Variants in NUDCD3 observed in about 807,000 individuals in gnomAD.
NUDCD3 encodes the protein NudC domain containing 3.
Under a neutral mutation model 39.7 loss-of-function variants are expected in NUDCD3, and 13 were observed. The observed-to-expected ratio is 0.33, with a 90% CI of 0.21 to 0.52. The LOEUF is 0.52. Ranked by LOEUF, NUDCD3 falls within the 20% of genes least tolerant of loss-of-function variation. NUDCD3 has a pLI of 0.96. For missense variants in NUDCD3, 453 were observed against 458.1 expected (o/e 0.99, Z 0.10); for synonymous variants, 175 against 172.4 (o/e 1.02, Z -0.12).
chr7:44,441,713 C>G (rs908048936), intron 2 of NUDCD3, among the ~76,000 whole-genome samples: 14 of 152,158 alleles, frequency 9.2e-5, no homozygotes, highest in African/African-American at 3.4e-4. Flanking sequence ...CCCAGGTAAC[C>G]TTACTGTTGT....
intron 2 of NUDCD3, among the ~76,000 whole-genome samples, chr7:44,469,115 CAAAAAAAAAAA>C (rs756247647): frequency 8.8e-4 from 29 of 32,842 alleles, no homozygotes; most frequent in African/African-American, 2.4e-3. Context: ...ACAAACAAAC[CAAAAAAAAAAA>C]AAAAAAAAAA....
intron 2 of NUDCD3, among the ~76,000 whole-genome samples, chr7:44,428,196 A>T (rs993747423): frequency 6.0e-5 from 9 of 149,176 alleles, no homozygotes; most frequent in African/African-American, 2.2e-4. Flanking sequence ...GCACTTTGGG[A>T]GGCCAAGGGC....
chr7:44,482,849 T>A (rs573971405), intron 2 of NUDCD3, among the ~76,000 whole-genome samples: 12 of 152,110 alleles, frequency 7.9e-5, no homozygotes, highest in African/African-American at 2.7e-4. Context: ...CTATTGTAAG[T>A]ATATTGAAGG....
chr7:44,455,765 AAAC>A (rs1365475380), intron 2 of NUDCD3, among the ~76,000 whole-genome samples: 3 of 152,182 alleles, frequency 2.0e-5, no homozygotes, highest in Admixed American at 1.3e-4. Flanking sequence ...ATTGCTTAAA[AAAC>A]AACAATACAG....
At chr7:44,467,755 CT>C in intron 2 of NUDCD3, 1 of 639,348 alleles carries the variant, frequency 1.6e-6, no homozygotes, top group Non-Finnish European at 2.7e-6. Context: ...TCATTTAATC[CT>C]TACAACAGCC....
chr7:44,418,716 C>A (rs1799076466), intron 3 of NUDCD3, among the ~76,000 whole-genome samples: 1 of 152,220 alleles, frequency 6.6e-6, no homozygotes, highest in African/African-American at 2.4e-5. Flanking sequence ...GCATTTCCAA[C>A]TGAGGTACCC....
chr7:44,452,767 C>A (rs1799818593), intron 2 of NUDCD3, among the ~76,000 whole-genome samples: 1 of 152,220 alleles, frequency 6.6e-6, no homozygotes, highest in Admixed American at 6.5e-5. Context: ...CAAGAACCAG[C>A]CATGTGGCTG....
At chr7:44,425,330 T>G (rs776196316) in intron 3 of NUDCD3, among the ~76,000 whole-genome samples, 4 of 151,924 alleles carry the variant, frequency 2.6e-5, no homozygotes, top group Non-Finnish European at 5.9e-5. Flanking sequence ...AAAAAGAAAT[T>G]TACAACAAAA....
rs1260389635 is a variant in NUDCD3 at position 44,385,771 on chromosome 7, T to C, written c.*240A>G. On this transcript the variant is annotated 3_prime_UTR_variant, in exon 6 of 6. Coordinates refer to ENST00000355451, the MANE Select transcript of NUDCD3 (RefSeq NM_015332.4). ...ATTTGCTGGGATATCCTCTCCTGCA[T>C]TTCAAACACCTTCACTCAGTGTCAG... The C allele has an allele frequency of 4.0e-6, 2 of 504,792 alleles. No individual in the cohort carries two copies. The highest frequency in any genetic ancestry group is 1.9e-5 in the African/African-American group (1 of 51,562). The allele number at this position is 504,792 out of a possible 1,614,324, so 31.3% of individuals were successfully genotyped here.
At position 44,466,705 on chromosome 7, in the gene NUDCD3, T is replaced by A. The variant is rs1480668860; in HGVS notation, c.509+18263A>T. Among the ~76,000 whole-genome samples, 4 of 152,262 alleles carry A rather than the reference T, an allele frequency of 2.6e-5. No homozygotes were observed. In the East Asian group the frequency reaches 7.7e-4, roughly 29 times the overall value. Reference sequence around the variant, plus strand: ...TTCACTAGGGACACTTGGATAATGCTAAGTGTTTTCTAGGTCACAGCTAGT... The same window carrying A: ...TTCACTAGGGACACTTGGATAATGCAAAGTGTTTTCTAGGTCACAGCTAGT... On this transcript the variant is annotated intron_variant, in intron 2 of 5. Transcript: ENST00000355451.
chr7:44,481,262 T>G (rs1800485377), intron 2 of NUDCD3: 1 of 152,194 alleles, frequency 6.6e-6, no homozygotes, highest in Admixed American at 6.5e-5. Flanking sequence ...GTGTATTTAT[T>G]AAGAGAGTTA....
intron 2 of NUDCD3, among the ~76,000 whole-genome samples, chr7:44,462,945 C>CTG (rs3138779): frequency 0.019 from 2,860 of 146,740 alleles, 40 homozygotes; most frequent in Middle Eastern, 0.066. Flanking sequence ...CACAACCAGG[C>CTG]TGTGTGTGTG....
chr7:44,424,348 G>T (rs996889316), intron 3 of NUDCD3, among the ~76,000 whole-genome samples: 1 of 152,088 alleles, frequency 6.6e-6, no homozygotes, highest in Admixed American at 6.5e-5. Context: ...TCGTCAGAGT[G>T]AACAGGCAAC....
intron 2 of NUDCD3, among the ~76,000 whole-genome samples, chr7:44,440,893 G>A (rs1397559683): frequency 6.6e-6 from 1 of 152,252 alleles, no homozygotes; most frequent in East Asian, 1.9e-4. Flanking sequence ...AGTAATACCT[G>A]AGTTAACAGT....
chr7:44,458,531 G>A lies in NUDCD3; in HGVS notation c.509+26437C>T, dbSNP rs188985000. ...AAAATTAGCCAGGCATGGTGAGCAT[G>A]CCTGTAATTCCAGCTACTTGGGAGG... On this transcript the variant is annotated intron_variant, in intron 2 of 5. Transcript: ENST00000355451. 4.6e-5 allele frequency among the ~76,000 whole-genome samples: 7 copies of A among 152,068 alleles called. 1 individual carries two copies. The highest frequency in any genetic ancestry group is 3.9e-4 in the Admixed American group (6 of 15,270).
chr7:44,454,207 C>T, intron 2 of NUDCD3, among the ~76,000 whole-genome samples: 1 of 152,078 alleles, frequency 6.6e-6, no homozygotes, highest in East Asian at 1.9e-4. Context: ...GGCATGGTGG[C>T]GGGCACCTGT....
At chr7:44,408,271 G>A (rs1798864880) in intron 3 of NUDCD3, among the ~76,000 whole-genome samples, 1 of 152,108 alleles carries the variant, frequency 6.6e-6, no homozygotes, top group African/African-American at 2.4e-5. Context: ...AAAACAAAAT[G>A]AGGATGAAAA....
chr7:44,468,364 A>AG (rs1800175915), intron 2 of NUDCD3: 1 of 1,315,234 alleles, frequency 7.6e-7, no homozygotes, highest in African/African-American at 1.5e-5. Context: ...AAAAAAAAAA[A>AG]AAAAAAGAAA....
chr7:44,404,370 T>C (rs986765591), intron 4 of NUDCD3, 70 bp downstream of exon 4: 2 of 1,491,898 alleles, frequency 1.3e-6, no homozygotes, highest in African/African-American at 2.8e-5. Context: ...ATAGGCTTGT[T>C]GGTCAAAAGG....
Sources: allele counts gnomAD v4.1 joint callset (sites outside exome capture counted in the v4.1 genomes callset), GRCh38; gene constraint gnomAD v4.1.1; transcripts MANE v1.5; gene names NCBI Gene and HGNC (gene_info 2026-07-23, HGNC 2026-07-21).